TACR3: variants seen among roughly 807,000 people sequenced by gnomAD.
TACR3 encodes neuromedin-K receptor.
In TACR3, 34 loss-of-function variants were observed where a neutral mutation model predicts 35.0. The observed-to-expected ratio is 0.97, with a 90% confidence interval of 0.74 to 1.30. The LOEUF (loss-of-function observed/expected upper bound fraction) is 1.30. TACR3 is among the 50% of genes most tolerant of loss of function. The probability of loss-of-function intolerance (pLI) is 0.00; values close to 1 mark genes in which losing one functional copy is unlikely to be tolerated. For missense variants in TACR3, 558 were observed against 591.7 expected, an observed-to-expected ratio of 0.94 and a Z score of 0.59; for synonymous variants, 233 against 221.1, an observed-to-expected ratio of 1.05 and a Z score of -0.48.
chr4:103,682,726 G>T (rs2110210439), intron 1 of TACR3, among the ~76,000 whole-genome samples: 1 of 152,114 alleles, frequency 6.6e-6, no homozygotes, highest in South Asian at 2.1e-4. Context: ...AACTTAGCTG[G>T]GTCCTCTCTT....
At chr4:103,699,693 T>C (rs944842671) in intron 1 of TACR3, among the ~76,000 whole-genome samples, 1 of 152,104 alleles carries the variant, frequency 6.6e-6, no homozygotes, top group Non-Finnish European at 1.5e-5. Context: ...AAAGTAGACA[T>C]GACTAGATTT....
chr4:103,703,506 T>A (rs1989933), intron 1 of TACR3, among the ~76,000 whole-genome samples: 2 of 152,038 alleles, frequency 1.3e-5, no homozygotes, highest in East Asian at 1.9e-4. Context: ...TATATCGGAC[T>A]GTTAAATCCA....
At chr4:103,612,605 T>G (rs987141990) in intron 3 of TACR3, among the ~76,000 whole-genome samples, 2 of 152,132 alleles carry the variant, frequency 1.3e-5, no homozygotes, top group Non-Finnish European at 2.9e-5. Flanking sequence ...CTCCGCCTGG[T>G]TCAAGTGATT....
At chr4:103,633,059 C>T (rs1296218823) in intron 3 of TACR3, among the ~76,000 whole-genome samples, 1 of 101,324 alleles carries the variant, frequency 9.9e-6, no homozygotes, top group East Asian at 2.3e-4. Flanking sequence ...TCTTTTTGTC[C>T]CTCTTACTGA....
rs1246199382 is a variant in TACR3 at position 103,587,682 on chromosome 4, G to A, written c.*2000C>T. On this transcript the variant is annotated 3_prime_UTR_variant, in exon 5 of 5. Coordinates refer to ENST00000304883, the MANE Select transcript of TACR3 (RefSeq NM_001059.3). ...ATGTCTAAAACATTAATTAATGCTA[G>A]TACCATATCATTCATAAATTTAAGA... 1 of 151,958 alleles carries A rather than the reference G, an allele frequency of 6.6e-6. No homozygotes were observed. Among genetic ancestry groups the A allele is most frequent in the Non-Finnish European group, 1.5e-5 (1 of 67,960 alleles). The allele number at this position is 151,958 out of a possible 1,614,324, so 9.4% of individuals were successfully genotyped here. A position where few individuals can be genotyped will look rare whatever the true frequency, so the allele number is the denominator to read the frequency against.
At chr4:103,636,809 C>T (rs146644354) in intron 3 of TACR3, among the ~76,000 whole-genome samples, 3 of 152,216 alleles carry the variant, frequency 2.0e-5, no homozygotes, top group South Asian at 2.1e-4. Flanking sequence ...ACTATAAACA[C>T]CTGTATGCAA....
intron 1 of TACR3, among the ~76,000 whole-genome samples, chr4:103,697,954 G>A (rs971758755): frequency 4.6e-5 from 7 of 152,096 alleles, no homozygotes; most frequent in African/African-American, 1.4e-4. Flanking sequence ...AATGGTGAAC[G>A]GGGATTGCCA....
At chr4:103,637,397 G>A (rs1462404648) in intron 3 of TACR3, among the ~76,000 whole-genome samples, 2 of 152,048 alleles carry the variant, frequency 1.3e-5, no homozygotes, top group Non-Finnish European at 2.9e-5. Flanking sequence ...AACCCTTCAT[G>A]CTAAAAACTC....
intron 3 of TACR3, among the ~76,000 whole-genome samples, chr4:103,626,378 C>CA (rs1368671980): frequency 3.3e-5 from 5 of 151,948 alleles, no homozygotes; most frequent in African/African-American, 1.2e-4. Context: ...GACGCTAAGA[C>CA]AAAAAAGCCT....
intron 1 of TACR3, among the ~76,000 whole-genome samples, chr4:103,668,621 G>A (rs1485896419): frequency 6.6e-6 from 1 of 152,080 alleles, no homozygotes; most frequent in Non-Finnish European, 1.5e-5. Context: ...GCCGAGGCAG[G>A]CAGATCACCT....
At position 103,591,680 on chromosome 4, in the gene TACR3, C is replaced by A. The variant is rs376656496; in HGVS notation, c.892G>T (p.Val298Phe). The A allele has an allele frequency of 3.7e-6, 6 of 1,611,090 alleles. No individual in the cohort carries two copies. In the African/African-American group the frequency reaches 8.0e-5, roughly 22 times the overall value. ...ATGACAACAATAATCATCATTTTGA[C>A]AACCTATAAAGAAAAAAAGTCATTT... The part of the protein sequence containing the change: ...HEQLKAKRKV[V>F]KMMIIVVMTF... Residue 298 changes from valine to phenylalanine, a missense_variant, in exon 4 of 5, where the codon GTC (valine) becomes TTC (phenylalanine). By Grantham distance (50) the Val-to-Phe change is conservative (BLOSUM62 -1). Coordinates refer to ENST00000304883, the MANE Select transcript of TACR3 (RefSeq NM_001059.3).
At chr4:103,669,308 C>T (rs1474625774) in intron 1 of TACR3, among the ~76,000 whole-genome samples, 1 of 152,084 alleles carries the variant, frequency 6.6e-6, no homozygotes, top group Non-Finnish European at 1.5e-5. Flanking sequence ...GTGAATAGTG[C>T]TACAATAAAC....
intron 1 of TACR3, among the ~76,000 whole-genome samples, chr4:103,667,615 C>A (rs1489214899): frequency 6.6e-6 from 1 of 151,946 alleles, no homozygotes; most frequent in East Asian, 1.9e-4. Context: ...ATATGTACAC[C>A]TATTATGTAT....
chr4:103,688,724 G>T (rs1272214350), intron 1 of TACR3, among the ~76,000 whole-genome samples: 4 of 151,052 alleles, frequency 2.6e-5, no homozygotes, highest in Non-Finnish European at 5.9e-5. Context: ...AGTTAGAATG[G>T]CGATCATTAA....
At chr4:103,670,837 A>C (rs59628056) in intron 1 of TACR3, among the ~76,000 whole-genome samples, 23,406 of 151,936 alleles carry the variant, frequency 0.15, 2,345 homozygotes, top group East Asian at 0.43. Flanking sequence ...CTGGCTATGA[A>C]TTCCAGTACT....
intron 1 of TACR3, among the ~76,000 whole-genome samples, chr4:103,691,072 T>C (rs1186686326): frequency 5.9e-5 from 9 of 152,294 alleles, no homozygotes; most frequent in Non-Finnish European, 7.4e-5. Flanking sequence ...TAAAGTTAAA[T>C]ATATGTTTTC....
chr4:103,614,244 T>C (rs1252334321), intron 3 of TACR3, among the ~76,000 whole-genome samples: 1 of 152,188 alleles, frequency 6.6e-6, no homozygotes, highest in East Asian at 1.9e-4. Context: ...GTCTTTTTCT[T>C]TCTCTCTCTG....
chr4:103,687,802 C>T lies in TACR3; in HGVS notation c.549-29399G>A, dbSNP rs559815713. 8.3e-3 allele frequency among the ~76,000 whole-genome samples: 1,257 copies of T among 152,140 alleles called. 20 individuals are homozygous for T. The highest frequency in any genetic ancestry group is 0.029 in the African/African-American group (1,186 of 41,512). On this transcript the variant is annotated intron_variant, in intron 1 of 4. Coordinates refer to ENST00000304883, the MANE Select transcript of TACR3 (RefSeq NM_001059.3). ...GCTCATGTATAGGAAGAATCAATAT[C>T]GTGAAAATGGCCATACTGCCCAAGG...
chr4:103,656,682 A>G (rs1289939663), intron 2 of TACR3, among the ~76,000 whole-genome samples: 1 of 152,036 alleles, frequency 6.6e-6, no homozygotes, highest in Non-Finnish European at 1.5e-5. Flanking sequence ...AGCTAAACCA[A>G]TTAAATGTAT....
Sources: allele counts gnomAD v4.1 joint callset (sites outside exome capture counted in the v4.1 genomes callset), GRCh38; gene constraint gnomAD v4.1.1; transcripts MANE v1.5; gene names NCBI Gene and HGNC (gene_info 2026-07-23, HGNC 2026-07-21).